The following MLLT10 variants were observed in gnomAD, a reference collection of about 807,000 sequenced individuals.
The protein encoded by MLLT10 is MLLT10 histone lysine methyltransferase DOT1L cofactor, also known as protein AF-10.
In MLLT10, 30 loss-of-function variants were observed where a neutral mutation model predicts 129.1. The ratio of observed to expected loss-of-function variants is 0.23; its 90% CI spans 0.17 to 0.32. The LOEUF (loss-of-function observed/expected upper bound fraction) is 0.32, where lower values mean the gene tolerates loss of function less well. Ranked by LOEUF, MLLT10 falls within the 10% of genes least tolerant of loss-of-function variation. The pLI is 1.00. For missense variants in MLLT10, 1,119 were observed against 1,268.3 expected, an observed-to-expected ratio of 0.88 and a Z score of 1.79; for synonymous variants, 490 against 446.4, an observed-to-expected ratio of 1.10 and a Z score of -1.23.
intron 5 of MLLT10, among the ~76,000 whole-genome samples, chr10:21,606,334 A>G (rs1448890523): frequency 1.3e-5 from 2 of 152,222 alleles, no homozygotes; most frequent in Non-Finnish European, 2.9e-5. Flanking sequence ...AACAACATCC[A>G]TCCTGCAGTC....
intron 8 of MLLT10, among the ~76,000 whole-genome samples, chr10:21,618,433 A>T (rs1388193754): frequency 6.6e-6 from 1 of 151,912 alleles, no homozygotes; most frequent in Non-Finnish European, 1.5e-5. Context: ...TGAACCCAGG[A>T]GGCAGAGATT....
intron 8 of MLLT10, chr10:21,625,219 C>G: frequency 2.0e-6 from 3 of 1,493,506 alleles, no homozygotes; most frequent in Non-Finnish European, 2.8e-6. Context: ...GGCGCTCTTT[C>G]CTTTTCTTGT....
intron 14 of MLLT10, among the ~76,000 whole-genome samples, chr10:21,724,323 A>G (rs1312870329): frequency 1.3e-5 from 2 of 152,242 alleles, no homozygotes; most frequent in Admixed American, 1.3e-4. Flanking sequence ...CATGCTTTGT[A>G]AGTGGGCTGA....
chr10:21,617,079 T>C, intron 7 of MLLT10, 33 bp from the exon 8 acceptor site: 5 of 1,057,244 alleles, frequency 4.7e-6, no homozygotes, highest in Non-Finnish European at 6.5e-6. Context: ...TTTATATACA[T>C]ATACATATAT....
At chr10:21,646,924 G>C (rs2048544164) in intron 8 of MLLT10, among the ~76,000 whole-genome samples, 1 of 149,204 alleles carries the variant, frequency 6.7e-6, no homozygotes, top group African/African-American at 2.5e-5. Flanking sequence ...GGCGTGATCT[G>C]GGCTCACTGC....
At chr10:21,535,210 T>C (rs2033713007) in intron 2 of MLLT10, among the ~76,000 whole-genome samples, 2 of 152,078 alleles carry the variant, frequency 1.3e-5, no homozygotes, top group Admixed American at 1.3e-4. Context: ...GAGCGCCCTC[T>C]TCTCCCCTGG....
intron 9 of MLLT10, among the ~76,000 whole-genome samples, chr10:21,657,308 G>T (rs1388971862): frequency 6.7e-6 from 1 of 148,690 alleles, no homozygotes; most frequent in African/African-American, 2.5e-5. Context: ...CAGGAGAATT[G>T]CTTGAACCCC....
chr10:21,735,705 G>A (rs186448826), intron 21 of MLLT10, among the ~76,000 whole-genome samples: 40 of 152,266 alleles, frequency 2.6e-4, no homozygotes, highest in East Asian at 1.7e-3. Context: ...GTGACTTGAG[G>A]GAACGCAGAG....
chr10:21,717,055 G>A (rs1205506673), intron 14 of MLLT10, among the ~76,000 whole-genome samples: 1 of 151,708 alleles, frequency 6.6e-6, no homozygotes, highest in Non-Finnish European at 1.5e-5. Context: ...TTAGGAGTTC[G>A]AGACCAGCCT....
chr10:21,580,764 C>T (rs1273252303), intron 3 of MLLT10, among the ~76,000 whole-genome samples: 43 of 150,768 alleles, frequency 2.9e-4, no homozygotes, highest in Non-Finnish European at 5.3e-4. Flanking sequence ...TGCAATGGCG[C>T]GATCTTGACT....
chr10:21,736,630 GAGAA>G (rs1451749701), intron 21 of MLLT10, among the ~76,000 whole-genome samples: 2 of 152,224 alleles, frequency 1.3e-5, no homozygotes, highest in African/African-American at 4.8e-5. Flanking sequence ...GGACATACAA[GAGAA>G]AGAAGAATTC....
intron 14 of MLLT10, among the ~76,000 whole-genome samples, chr10:21,717,538 CCTCCCTT>C (rs1407506877): frequency 2.3e-5 from 3 of 129,992 alleles, no homozygotes; most frequent in Non-Finnish European, 4.9e-5. Context: ...TCCTCCTCCT[CCTCCCTT>C]CTTCTTTCTT....
chr10:21,669,882 A>C, intron 9 of MLLT10, among the ~76,000 whole-genome samples: 1 of 152,200 alleles, frequency 6.6e-6, no homozygotes, highest in Non-Finnish European at 1.5e-5. Flanking sequence ...TTTTTCCTCA[A>C]CATAACAATT....
intron 3 of MLLT10, among the ~76,000 whole-genome samples, chr10:21,554,065 C>A (rs1057467960): frequency 6.6e-6 from 1 of 152,164 alleles, no homozygotes; most frequent in Non-Finnish European, 1.5e-5. Context: ...ACTCATTGTA[C>A]TAGGTACACA....
intron 7 of MLLT10, among the ~76,000 whole-genome samples, chr10:21,616,736 A>T (rs556756322): frequency 6.6e-5 from 10 of 152,150 alleles, no homozygotes; most frequent in African/African-American, 2.4e-4. Flanking sequence ...ATAAAGTAAC[A>T]CTTCAAATAT....
At chr10:21,544,859 T>C (rs557891727) in intron 3 of MLLT10, among the ~76,000 whole-genome samples, 66 of 152,208 alleles carry the variant, frequency 4.3e-4, no homozygotes, top group African/African-American at 1.5e-3. Context: ...AATTTTTGTA[T>C]TGGAGGCCGG....
intron 3 of MLLT10, among the ~76,000 whole-genome samples, chr10:21,576,926 C>G (rs1286574437): frequency 6.6e-6 from 1 of 152,316 alleles, no homozygotes; most frequent in South Asian, 2.1e-4. Context: ...CCACTGCGCC[C>G]GGCCAATTGT....
chr10:21,696,842 G>A (rs553204313), intron 13 of MLLT10, among the ~76,000 whole-genome samples: 1 of 152,122 alleles, frequency 6.6e-6, no homozygotes, highest in Non-Finnish European at 1.5e-5. Context: ...CCACTCTGTT[G>A]TCTTTCAGGG....
At chr10:21,633,194 G>C (rs901054828) in intron 8 of MLLT10, among the ~76,000 whole-genome samples, 1 of 152,162 alleles carries the variant, frequency 6.6e-6, no homozygotes, top group Admixed American at 6.5e-5. Context: ...ACCTCATAGA[G>C]TTTTTAAAAC....
Sources: gnomAD v4.1 joint callset for allele counts (sites outside exome capture counted in the v4.1 genomes callset) on GRCh38, gnomAD v4.1.1 for gene constraint, MANE v1.5 for transcripts, NCBI Gene and HGNC (gene_info 2026-07-23, HGNC 2026-07-21) for gene names.